KCMF1: variants seen among roughly 807,000 people sequenced by gnomAD.
KCMF1 encodes E3 ubiquitin-protein ligase KCMF1.
Under a neutral mutation model 41.1 loss-of-function variants are expected in KCMF1, and 3 were observed. The observed-to-expected ratio is 0.07, with a 90% CI of 0.03 to 0.19. KCMF1 has a LOEUF of 0.19. Ranked by LOEUF, KCMF1 falls within the 10% of genes least tolerant of loss-of-function variation. The pLI is 1.00. For missense variants in KCMF1, 286 were observed against 488.9 expected, an observed-to-expected ratio of 0.58 and a Z score of 3.91; for synonymous variants, 142 against 164.5, an observed-to-expected ratio of 0.86 and a Z score of 1.04.
chr2:85,018,795 A>ATTTT (rs34627507), intron 1 of KCMF1, among the ~76,000 whole-genome samples: 21 of 73,698 alleles, frequency 2.8e-4, no homozygotes, highest in Non-Finnish European at 4.2e-4. Context: ...CAGAACTTTG[A>ATTTT]TTTTTTTTTT....
intron 1 of KCMF1, among the ~76,000 whole-genome samples, chr2:84,976,204 CT>C (rs776217164): frequency 4.4e-3 from 583 of 133,640 alleles, no homozygotes; most frequent in East Asian, 4.5e-3. Flanking sequence ...TTCTTAACTC[CT>C]TTTTTTTTTT....
At position 84,971,385 on chromosome 2, in the gene KCMF1, C is replaced by G. The variant is rs1359086734; in HGVS notation, c.-67C>G. ...GTCGGCCGGCCGGCGCGGGCAGCGC[C>G]GGGACCCCGCGGGGGACACTGCAGC... On this transcript the variant is annotated 5_prime_UTR_variant, in exon 1 of 7. Transcript: ENST00000409785. The G allele has an allele frequency of 9.3e-7, 1 of 1,070,308 alleles. No individual in the cohort carries two copies. The highest frequency in any genetic ancestry group is 5.9e-5 in the East Asian group (1 of 16,928). The allele number at this position is 1,070,308 out of a possible 1,614,324, so 66.3% of individuals were successfully genotyped here.
At chr2:85,027,461 A>G (rs1297374882) in intron 1 of KCMF1, among the ~76,000 whole-genome samples, 2 of 134,668 alleles carry the variant, frequency 1.5e-5, no homozygotes, top group African/African-American at 2.9e-5. Flanking sequence ...CTGCAACCCT[A>G]CCTCCTGGGT....
chr2:84,983,992 T>G (rs1673833804), intron 1 of KCMF1, among the ~76,000 whole-genome samples: 1 of 152,004 alleles, frequency 6.6e-6, no homozygotes, highest in Non-Finnish European at 1.5e-5. Context: ...ATTCAAATGC[T>G]AAATTTTCAT....
At chr2:85,028,140 C>A (rs1413628247) in intron 2 of KCMF1, 84 bp downstream of exon 2, 10 of 801,588 alleles carry the variant, frequency 1.2e-5, no homozygotes, top group Non-Finnish European at 2.0e-5. Flanking sequence ...TCTAAAACTC[C>A]CCAGCAGCAT....
chr2:85,031,202 T>G (rs1045913796), intron 2 of KCMF1, among the ~76,000 whole-genome samples: 3 of 152,242 alleles, frequency 2.0e-5, no homozygotes, highest in African/African-American at 7.2e-5. Flanking sequence ...TGGAATTATG[T>G]CGAATCGGTA....
Position 85,035,085 on chromosome 2 carries a change from A to C in KCMF1, c.254A>C (p.Lys85Thr), listed in dbSNP as rs1479557286. The change falls in exon 3 of 7, where the codon AAA becomes ACA. Residue 85 changes from lysine (K) to threonine (T), a missense_variant. Around this residue, in one of 2 missense-constraint regions of KCMF1, gnomAD observed 95 missense variants for 209.6 expected, o/e 0.45. Transcript: ENST00000409785. ...TCTTTTACTTGTCCCTATTGTGGAA[A>C]AATGGGCTATACGGAGACATCTCTT... ...PQSFTCPYCG[K>T]MGYTETSLQE... The C allele has an allele frequency of 6.2e-7, 1 of 1,613,588 alleles. No homozygotes were observed. Among genetic ancestry groups the C allele is most frequent in the Non-Finnish European group, 8.5e-7 (1 of 1,179,550 alleles).
intron 1 of KCMF1, among the ~76,000 whole-genome samples, chr2:85,014,581 A>G (rs906675960): frequency 1.3e-5 from 2 of 150,878 alleles, no homozygotes; most frequent in African/African-American, 4.9e-5. Context: ...GCCTAAACCA[A>G]GCTCTCTCTG....
At chr2:85,046,338 CTT>C in intron 5 of KCMF1, 60 bp downstream of exon 5, 1 of 1,401,478 alleles carries the variant, frequency 7.1e-7, no homozygotes, top group Non-Finnish European at 9.9e-7. Context: ...CCTTTTAAAA[CTT>C]TTTGTGATGC....
intron 1 of KCMF1, among the ~76,000 whole-genome samples, chr2:85,008,348 A>T (rs1375070411): frequency 3.7e-3 from 8 of 2,134 alleles, no homozygotes; most frequent in African/African-American, 0.011. Flanking sequence ...ATGATATATA[A>T]TATATAATAT....
rs562557724 is a variant in KCMF1 at position 85,056,050 on chromosome 2, A to G, written c.*2641A>G. On this transcript the variant is annotated 3_prime_UTR_variant, in exon 7 of 7. Transcript: ENST00000409785. ...TGTGCTTCCTTGTATGGCTGCAATC[A>G]TAAGACAGAATTTCTGTGGTTGGCT... The G allele has an allele frequency of 5.0e-4, 76 of 152,254 alleles. No individual in the cohort carries two copies. Among genetic ancestry groups the G allele is most frequent in the African/African-American group, 1.7e-3 (71 of 41,542 alleles). The allele number at this position is 152,254 out of a possible 1,614,324, so 9.4% of individuals were successfully genotyped here.
intron 5 of KCMF1, among the ~76,000 whole-genome samples, chr2:85,048,051 C>T (rs1329246564): frequency 1.3e-5 from 2 of 152,160 alleles, no homozygotes; most frequent in South Asian, 2.1e-4. Flanking sequence ...GACAAACCCT[C>T]GTGGCAGGTG....
chr2:85,035,610 C>T (rs1328470246), intron 3 of KCMF1, among the ~76,000 whole-genome samples: 1 of 152,192 alleles, frequency 6.6e-6, no homozygotes, highest in Non-Finnish European at 1.5e-5. Context: ...ACCTGGTTTT[C>T]ATCAGATCAC....
At chr2:84,975,698 A>G (rs577122243) in intron 1 of KCMF1, among the ~76,000 whole-genome samples, 6 of 152,302 alleles carry the variant, frequency 3.9e-5, no homozygotes, top group Admixed American at 2.6e-4. Flanking sequence ...AGTGAACCCA[A>G]TCATTTTTTA....
At chr2:84,973,757 C>CT (rs1428758685) in intron 1 of KCMF1, among the ~76,000 whole-genome samples, 3 of 150,996 alleles carry the variant, frequency 2.0e-5, no homozygotes, top group Non-Finnish European at 4.4e-5. Context: ...TTACCTTTGC[C>CT]TTTTTTGGGC....
chr2:85,052,891 A>G (rs566399641), intron 6 of KCMF1, among the ~76,000 whole-genome samples: 6 of 152,310 alleles, frequency 3.9e-5, no homozygotes, highest in East Asian at 1.9e-4. Context: ...TGGAGTGGAA[A>G]AAGTCTAAAT....
intron 1 of KCMF1, among the ~76,000 whole-genome samples, chr2:84,978,934 G>A (rs1349629655): frequency 2.6e-5 from 4 of 151,714 alleles, no homozygotes; most frequent in Admixed American, 2.0e-4. Flanking sequence ...GGCTGGTCTC[G>A]AACTCCTGAC....
intron 1 of KCMF1, among the ~76,000 whole-genome samples, chr2:85,014,562 A>T (rs1180695212): frequency 1.3e-5 from 2 of 151,418 alleles, no homozygotes; most frequent in African/African-American, 4.9e-5. Flanking sequence ...TTTTTTTGGG[A>T]AAGTTGGAGC....
intron 1 of KCMF1, among the ~76,000 whole-genome samples, chr2:85,006,249 C>A (rs139193478): frequency 8.7e-4 from 131 of 150,832 alleles, no homozygotes; most frequent in African/African-American, 3.1e-3. Context: ...GTTTCACTTT[C>A]CTTATATTGC....
Sources: gnomAD v4.1 joint callset for allele counts (sites outside exome capture counted in the v4.1 genomes callset) on GRCh38, gnomAD v4.1.1 for gene constraint, gnomAD v4.1.1 regional missense constraint, MANE v1.5 for transcripts, NCBI Gene and HGNC (gene_info 2026-07-23, HGNC 2026-07-21) for gene names.